The following SCFD2 variants were observed in gnomAD, a reference collection of about 807,000 sequenced individuals.
SCFD2 encodes the protein sec1 family domain containing 2, also known as sec1 family domain-containing protein 2.
SCFD2 carries 54 observed loss-of-function variants against 58.9 expected under a neutral mutation model. The ratio of observed to expected loss-of-function variants is 0.92; its 90% CI spans 0.74 to 1.15. SCFD2 has a LOEUF of 1.15. Ranked by LOEUF, SCFD2 falls within the 50% of genes most tolerant of loss-of-function variation. The pLI, the probability that SCFD2 is intolerant of heterozygous loss-of-function variation, is 0.00. For missense variants in SCFD2, 805 were observed against 836.6 expected, an observed-to-expected ratio of 0.96 and a Z score of 0.47; for synonymous variants, 321 against 335.9, an observed-to-expected ratio of 0.96 and a Z score of 0.49.
intron 4 of SCFD2, among the ~76,000 whole-genome samples, chr4:53,211,574 T>C (rs919531607): frequency 6.6e-6 from 1 of 151,992 alleles, no homozygotes; most frequent in Admixed American, 6.6e-5. Flanking sequence ...GGGTCAGTCT[T>C]GGGGACTGAG....
chr4:53,143,263 G>C (rs1295797349), intron 5 of SCFD2, among the ~76,000 whole-genome samples: 1 of 152,126 alleles, frequency 6.6e-6, no homozygotes, highest in Non-Finnish European at 1.5e-5. Context: ...AAATAACCTA[G>C]GTTAAAACAT....
intron 5 of SCFD2, among the ~76,000 whole-genome samples, chr4:52,952,820 C>T (rs551000792): frequency 1.3e-4 from 20 of 152,280 alleles, no homozygotes; most frequent in African/African-American, 4.6e-4. Context: ...ATGTCACTTA[C>T]CTTCTCCCCC....
chr4:53,112,446 C>T (rs1248880181), intron 5 of SCFD2, among the ~76,000 whole-genome samples: 7 of 152,046 alleles, frequency 4.6e-5, no homozygotes, highest in Admixed American at 3.9e-4. Flanking sequence ...TATGGCTCTA[C>T]GGTGAGCAGA....
chr4:52,923,540 AAT>A (rs1468461642), intron 5 of SCFD2, among the ~76,000 whole-genome samples: 1 of 151,488 alleles, frequency 6.6e-6, no homozygotes, highest in Non-Finnish European at 1.5e-5. Flanking sequence ...TCAGTGAGAA[AAT>A]GCCTCCTCAC....
chr4:53,331,402 G>C (rs1733460460), intron 2 of SCFD2, among the ~76,000 whole-genome samples: 1 of 152,124 alleles, frequency 6.6e-6, no homozygotes, highest in South Asian at 2.1e-4. Context: ...CTATCTCTCA[G>C]ACCACAGTGC....
At chr4:53,174,320 A>G (rs1413540927) in intron 4 of SCFD2, among the ~76,000 whole-genome samples, 7 of 152,136 alleles carry the variant, frequency 4.6e-5, no homozygotes, top group Admixed American at 6.6e-5. Flanking sequence ...AAAACCACAG[A>G]CACAGGGAAT....
chr4:53,235,555 CA>C (rs1729573322), intron 4 of SCFD2, among the ~76,000 whole-genome samples: 1 of 152,188 alleles, frequency 6.6e-6, no homozygotes, highest in South Asian at 2.1e-4. Flanking sequence ...AAAATAATGT[CA>C]ATAAACGAGA....
chr4:53,238,241 C>A, intron 4 of SCFD2, among the ~76,000 whole-genome samples: 1 of 137,724 alleles, frequency 7.3e-6, no homozygotes, highest in African/African-American at 2.7e-5. Flanking sequence ...TCCTCACTTC[C>A]CAGTAGGGGC....
chr4:52,898,140 G>T (rs1208072659), intron 7 of SCFD2, among the ~76,000 whole-genome samples: 2 of 152,032 alleles, frequency 1.3e-5, no homozygotes, highest in Non-Finnish European at 2.9e-5. Flanking sequence ...GGTTTTTTGT[G>T]TCTCTATTTC....
chr4:53,289,143 TC>T (rs1194605854), intron 3 of SCFD2, among the ~76,000 whole-genome samples: 1 of 152,106 alleles, frequency 6.6e-6, no homozygotes, highest in African/African-American at 2.4e-5. Context: ...GGCAGGTGGA[TC>T]CCCTGAGATC....
chr4:53,209,690 A>G lies in SCFD2; in HGVS notation c.1312-64108T>C, dbSNP rs115455815. On this transcript the variant is annotated intron_variant, in intron 4 of 8. Coordinates refer to ENST00000401642, the MANE Select transcript of SCFD2 (RefSeq NM_152540.4). ...ACATGGTCTCTGTCCTCAAGAAACTATAGTATAAAGAAGTGACATACCAGT... is the reference window on the plus strand; with the variant it reads ...ACATGGTCTCTGTCCTCAAGAAACTGTAGTATAAAGAAGTGACATACCAGT... 3.5e-3 allele frequency among the ~76,000 whole-genome samples: 529 copies of G among 152,168 alleles called. 4 individuals carry two copies. The highest frequency in any genetic ancestry group is 0.01 in the Middle Eastern group (3 of 294).
chr4:53,310,455 G>A (rs540932106), intron 3 of SCFD2, among the ~76,000 whole-genome samples: 5 of 152,216 alleles, frequency 3.3e-5, no homozygotes, highest in Admixed American at 2.6e-4. Context: ...GTTTGAGATG[G>A]GCATCATCTA....
intron 3 of SCFD2, among the ~76,000 whole-genome samples, chr4:53,313,430 G>T (rs1732751318): frequency 6.6e-6 from 1 of 152,180 alleles, no homozygotes; most frequent in Admixed American, 6.5e-5. Context: ...AACTCTCCTA[G>T]AGAGTTCCCA....
intron 2 of SCFD2, among the ~76,000 whole-genome samples, chr4:53,344,311 AAACT>A (rs1428534362): frequency 2.6e-5 from 4 of 152,204 alleles, no homozygotes; most frequent in South Asian, 2.1e-4. Flanking sequence ...GATAACAGAC[AAACT>A]GAGAGCCAAA....
At chr4:53,208,995 G>C (rs1318353277) in intron 4 of SCFD2, among the ~76,000 whole-genome samples, 1 of 152,116 alleles carries the variant, frequency 6.6e-6, no homozygotes, top group Non-Finnish European at 1.5e-5. Context: ...CCTGTGCACA[G>C]ACTTAGGGTA....
chr4:52,896,613 C>G (rs1280686881), intron 7 of SCFD2, among the ~76,000 whole-genome samples: 2 of 152,158 alleles, frequency 1.3e-5, no homozygotes, highest in Non-Finnish European at 2.9e-5. Context: ...CAGCTTTGTT[C>G]TTTTGGCTTA....
chr4:52,969,845 G>A (rs904327129), intron 5 of SCFD2, among the ~76,000 whole-genome samples: 5 of 152,184 alleles, frequency 3.3e-5, no homozygotes, highest in African/African-American at 1.2e-4. Flanking sequence ...TGCCTAAGAT[G>A]ACCTGCAAGG....
At chr4:53,024,396 T>C (rs1162644229) in intron 5 of SCFD2, among the ~76,000 whole-genome samples, 1 of 152,172 alleles carries the variant, frequency 6.6e-6, no homozygotes, top group Non-Finnish European at 1.5e-5. Context: ...TAAGATGGCA[T>C]AATCAACTTG....
intron 5 of SCFD2, among the ~76,000 whole-genome samples, chr4:53,116,305 G>A (rs139036195): frequency 1.6e-4 from 24 of 152,244 alleles, no homozygotes; most frequent in African/African-American, 2.2e-4. Flanking sequence ...AGCTCTGCTC[G>A]TTGATATCAC....
Sources: gnomAD v4.1 joint callset for allele counts (sites outside exome capture counted in the v4.1 genomes callset) on GRCh38, gnomAD v4.1.1 for gene constraint, MANE v1.5 for transcripts, NCBI Gene and HGNC (gene_info 2026-07-23, HGNC 2026-07-21) for gene names.